The following RAB7A variants were observed in gnomAD, a reference collection of about 807,000 sequenced individuals.
The protein encoded by RAB7A is RAB7A, member RAS oncogene family.
A neutral mutation model predicts 24.5 loss-of-function variants in RAB7A; 2 were observed. The observed-to-expected ratio is 0.08, with a 90% CI of 0.03 to 0.26. The LOEUF (loss-of-function observed/expected upper bound fraction) is 0.26. Ranked by LOEUF, RAB7A falls within the 10% of genes least tolerant of loss-of-function variation. RAB7A has a pLI of 1.00. For synonymous variants in RAB7A, 100 were observed against 95.9 expected (o/e 1.04, Z -0.25); for missense variants, 118 against 255.7 (o/e 0.46, Z 3.67).
chr3:128,745,166 G>A (rs969922041), intron 1 of RAB7A, among the ~76,000 whole-genome samples: 1 of 151,944 alleles, frequency 6.6e-6, no homozygotes, highest in South Asian at 2.1e-4. Context: ...GAGCTGCCGC[G>A]CCCGGCTGAA....
In RAB7A at chr3:128,784,319, G is replaced by A. The variant is rs140062730; in HGVS notation, c.-8-11041G>A. On this transcript the variant is annotated intron_variant, in intron 1 of 5. Coordinates refer to ENST00000265062, the MANE Select transcript of RAB7A (RefSeq NM_004637.6). ...CATAAACACAGGTGACTTCCTTGGC[G>A]TTTTCCCTCATTTCCCATACCCATC... Among the ~76,000 whole-genome samples the A allele has an allele frequency of 6.1e-3, 922 of 152,168 alleles. 8 individuals carry two copies. Among genetic ancestry groups the A allele is most frequent in the African/African-American group, 0.021 (879 of 41,510 alleles).
At chr3:128,774,672 A>C (rs1025515157) in intron 1 of RAB7A, among the ~76,000 whole-genome samples, 1 of 152,196 alleles carries the variant, frequency 6.6e-6, no homozygotes, top group African/African-American at 2.4e-5. Flanking sequence ...TCCCGGGTTC[A>C]CGCCATTCTC....
At chr3:128,775,734 G>T (rs1364299615) in intron 1 of RAB7A, among the ~76,000 whole-genome samples, 1 of 152,140 alleles carries the variant, frequency 6.6e-6, no homozygotes, top group Non-Finnish European at 1.5e-5. Flanking sequence ...TGCCTGTTAA[G>T]TAGAATTCTT....
Position 128,792,816 on chromosome 3 carries a change from T to TA in RAB7A, c.-8-2544_-8-2543insA, listed in dbSNP as rs1246914946. ...GAATTACAGGCACCCACCGAGCTAA[T>TA]TTTTATTTATTTATTTATTTATTTA... is the stretch of plus-strand genomic sequence containing the variant. On this transcript the variant is annotated intron_variant, in intron 1 of 5. Transcript: ENST00000265062. 4.6e-5 allele frequency among the ~76,000 whole-genome samples: 6 copies of TA among 131,304 alleles called. No homozygotes were observed. In the South Asian group the frequency reaches 7.4e-4, roughly 16 times the overall value. The allele number at this position is 131,304 out of a possible 152,430, so 86.1% of individuals were successfully genotyped here. A position where few individuals can be genotyped will look rare whatever the true frequency, so the allele number is the denominator to read the frequency against.
At chr3:128,789,572 A>C (rs1412023736) in intron 1 of RAB7A, among the ~76,000 whole-genome samples, 1 of 151,966 alleles carries the variant, frequency 6.6e-6, no homozygotes, top group East Asian at 1.9e-4. Context: ...ACCTCAAGTG[A>C]TCTGCCCGCC....
intron 5 of RAB7A, among the ~76,000 whole-genome samples, chr3:128,812,159 A>T (rs114688854): frequency 3.9e-5 from 6 of 152,268 alleles, no homozygotes; most frequent in Admixed American, 2.6e-4. Flanking sequence ...CAGCAAAGCT[A>T]TTAGGAGTGC....
chr3:128,768,790 C>G (rs1354373092), intron 1 of RAB7A, among the ~76,000 whole-genome samples: 1 of 150,940 alleles, frequency 6.6e-6, no homozygotes, highest in Non-Finnish European at 1.5e-5. Context: ...CTCAAACTCC[C>G]AGCTTCAGCC....
intron 1 of RAB7A, among the ~76,000 whole-genome samples, chr3:128,775,352 C>G (rs1933063450): frequency 6.6e-6 from 1 of 152,186 alleles, no homozygotes; most frequent in Non-Finnish European, 1.5e-5. Flanking sequence ...TTCCGTTAGT[C>G]TCCACCCTTC....
intron 1 of RAB7A, among the ~76,000 whole-genome samples, chr3:128,732,079 C>T (rs1397149746): frequency 2.7e-5 from 4 of 147,072 alleles, no homozygotes; most frequent in Non-Finnish European, 6.0e-5. Flanking sequence ...CAAGCTCTGT[C>T]GCCAGGCTGG....
intron 2 of RAB7A, 82 bp downstream of exon 2, chr3:128,795,502 C>T (rs1272602622): frequency 7.6e-7 from 1 of 1,316,282 alleles, no homozygotes; most frequent in Admixed American, 1.7e-5. Flanking sequence ...TCCGTGCTGC[C>T]ACTTCTTGCT....
At chr3:128,750,525 G>A (rs2070666517) in intron 1 of RAB7A, among the ~76,000 whole-genome samples, 1 of 152,136 alleles carries the variant, frequency 6.6e-6, no homozygotes, top group Non-Finnish European at 1.5e-5. Context: ...GCCTCCCAAA[G>A]TGCTGGGGTT....
At chr3:128,763,883 C>CT (rs1304219878) in intron 1 of RAB7A, among the ~76,000 whole-genome samples, 2 of 107,158 alleles carry the variant, frequency 1.9e-5, no homozygotes, top group African/African-American at 3.9e-5. Flanking sequence ...CCCGCCCCTG[C>CT]TTTTCAACTA....
intron 1 of RAB7A, chr3:128,764,548 T>G: frequency 8.2e-7 from 1 of 1,213,382 alleles, no homozygotes; most frequent in South Asian, 1.2e-5. Flanking sequence ...TCCCATCTTG[T>G]GCAAGTTGGT....
intron 1 of RAB7A, among the ~76,000 whole-genome samples, chr3:128,775,242 G>T (rs7644292): frequency 1.1e-3 from 161 of 152,318 alleles, no homozygotes; most frequent in Admixed American, 2.5e-3. Context: ...CACAGCTTGT[G>T]TTCAGATGGG....
At chr3:128,772,414 G>A (rs568708819) in intron 1 of RAB7A, among the ~76,000 whole-genome samples, 3 of 150,860 alleles carry the variant, frequency 2.0e-5, no homozygotes, top group South Asian at 2.1e-4. Flanking sequence ...CTATTGTCTC[G>A]TTTTTTTTTC....
At chr3:128,785,808 A>G (rs1362918510) in intron 1 of RAB7A, among the ~76,000 whole-genome samples, 1 of 151,356 alleles carries the variant, frequency 6.6e-6, no homozygotes, top group Non-Finnish European at 1.5e-5. Flanking sequence ...TGCTTCTCTC[A>G]CTAGATATTT....
chr3:128,728,018 C>T (rs1296834743), intron 1 of RAB7A, among the ~76,000 whole-genome samples: 2 of 151,508 alleles, frequency 1.3e-5, no homozygotes, highest in Non-Finnish European at 2.9e-5. Flanking sequence ...AGTACTGTGG[C>T]TTTATATAAT....
intron 1 of RAB7A, among the ~76,000 whole-genome samples, chr3:128,793,520 A>G (rs1933506026): frequency 1.3e-5 from 2 of 152,176 alleles, no homozygotes; most frequent in South Asian, 2.1e-4. Context: ...TCCTGACCTC[A>G]TGATTTGCCT....
At chr3:128,751,783 C>G (rs1242076005) in intron 1 of RAB7A, among the ~76,000 whole-genome samples, 1 of 152,196 alleles carries the variant, frequency 6.6e-6, no homozygotes, top group Non-Finnish European at 1.5e-5. Context: ...TATGGTTTGA[C>G]TATGTCCCCA....
Sources: allele counts gnomAD v4.1 joint callset (sites outside exome capture counted in the v4.1 genomes callset), GRCh38; gene constraint gnomAD v4.1.1; transcripts MANE v1.5; gene names NCBI Gene and HGNC (gene_info 2026-07-23, HGNC 2026-07-21).